Variants in RPS6KC1 observed in about 807,000 individuals in gnomAD.
RPS6KC1 encodes inactive ribosomal protein S6 kinase delta-1.
In RPS6KC1, 54 loss-of-function variants were observed where a neutral mutation model predicts 103.8. The ratio of observed to expected loss-of-function variants is 0.52; its 90% CI spans 0.42 to 0.65. RPS6KC1 has a LOEUF of 0.65. Ranked by LOEUF, RPS6KC1 falls within the 30% of genes least tolerant of loss-of-function variation. The pLI, the probability that RPS6KC1 is intolerant of heterozygous loss-of-function variation, is 0.00. For missense variants in RPS6KC1, 1,151 were observed against 1,253.8 expected (o/e 0.92, Z 1.24); for synonymous variants, 439 against 438.7 (o/e 1.00, Z -0.01).
the RPS6KC1 span, chr1:213,843,492 A>G: frequency 1.3e-5 from 2 of 152,210 alleles, no homozygotes; most frequent in African/African-American, 4.8e-5. Context: ...CCGGACCCCA[A>G]CCTGAAGCAC....
At chr1:213,200,137 T>A (rs2093103056) in intron 8 of RPS6KC1, among the ~76,000 whole-genome samples, 1 of 152,188 alleles carries the variant, frequency 6.6e-6, no homozygotes. Context: ...AAAACTATTT[T>A]AAAATTCATA....
chr1:213,804,173 T>TA, the RPS6KC1 span, among the ~76,000 whole-genome samples: 4,163 of 57,906 alleles, frequency 0.072, 530 homozygotes, highest in African/African-American at 0.26. Flanking sequence ...TGGCTAATCT[T>TA]AAAAAAAAAA....
At position 213,201,154 on chromosome 1, in the gene RPS6KC1, C is replaced by T. The variant is rs2093148098; in HGVS notation, c.1044+24662C>T. On this transcript the variant is annotated intron_variant, in intron 8 of 14. Transcript: ENST00000366960. Reference sequence around the variant, plus strand: ...ACTTATGTTCATACAGTATCCTGCACAAGGATGTTTATAGCCACTTTATTC... The same window carrying T: ...ACTTATGTTCATACAGTATCCTGCATAAGGATGTTTATAGCCACTTTATTC... Among the ~76,000 whole-genome samples, 4 of 152,252 alleles carry T rather than the reference C, an allele frequency of 2.6e-5. No homozygotes were observed. In the South Asian group the frequency reaches 8.3e-4, roughly 32 times the overall value.
At chr1:213,710,263 T>G in the RPS6KC1 span, among the ~76,000 whole-genome samples, 4 of 152,346 alleles carry the variant, frequency 2.6e-5, no homozygotes, top group African/African-American at 7.2e-5. Flanking sequence ...ACTTTACCAT[T>G]ATGTAATGCC....
At chr1:213,753,761 A>G in the RPS6KC1 span, among the ~76,000 whole-genome samples, 2 of 151,946 alleles carry the variant, frequency 1.3e-5, no homozygotes, top group African/African-American at 2.4e-5. Flanking sequence ...CCCGACTTCA[A>G]CTCCCATCTT....
the RPS6KC1 span, among the ~76,000 whole-genome samples, chr1:213,535,809 G>A: frequency 1.3e-5 from 2 of 152,234 alleles, no homozygotes; most frequent in South Asian, 2.1e-4. Flanking sequence ...TTTTAGGCGC[G>A]AGGAGTCCCC....
At chr1:213,343,371 CT>C in the RPS6KC1 span, among the ~76,000 whole-genome samples, 1 of 101,832 alleles carries the variant, frequency 9.8e-6, no homozygotes, top group African/African-American at 4.1e-5. Context: ...GGAGCTTAAA[CT>C]TTTTTTTCAG....
At chr1:213,571,364 G>A in the RPS6KC1 span, among the ~76,000 whole-genome samples, 1 of 152,186 alleles carries the variant, frequency 6.6e-6, no homozygotes, top group Admixed American at 6.5e-5. Flanking sequence ...GGCTATGATA[G>A]GTCTGGAGGC....
chr1:213,803,378 C>G, the RPS6KC1 span, among the ~76,000 whole-genome samples: 1 of 151,608 alleles, frequency 6.6e-6, no homozygotes. Context: ...TCCCAAGTAG[C>G]TGGGATTACA....
chr1:213,667,054 C>T, the RPS6KC1 span, among the ~76,000 whole-genome samples: 14 of 152,150 alleles, frequency 9.2e-5, no homozygotes, highest in South Asian at 2.1e-4. Context: ...GGTGGGCAAA[C>T]GAAACAGGTT....
chr1:213,565,321 C>A, the RPS6KC1 span, among the ~76,000 whole-genome samples: 1 of 152,154 alleles, frequency 6.6e-6, no homozygotes, highest in Non-Finnish European at 1.5e-5. Context: ...CAAGAATGTT[C>A]ACAGCAGCTT....
the RPS6KC1 span, among the ~76,000 whole-genome samples, chr1:213,455,973 C>T: frequency 3.9e-5 from 6 of 152,142 alleles, no homozygotes; most frequent in African/African-American, 9.7e-5. Flanking sequence ...GGGGTAACCT[C>T]TTTTATAATT....
chr1:213,632,267 A>G, the RPS6KC1 span, among the ~76,000 whole-genome samples: 1 of 152,168 alleles, frequency 6.6e-6, no homozygotes, highest in Non-Finnish European at 1.5e-5. Flanking sequence ...CCTAGAGAAA[A>G]TACCAAGGGG....
downstream of RPS6KC1, among the ~76,000 whole-genome samples, chr1:213,279,556 A>G (rs2095118744): frequency 6.6e-6 from 1 of 152,102 alleles, no homozygotes; most frequent in South Asian, 2.1e-4. Flanking sequence ...ACTTTTTCCC[A>G]CATTTTGCTT....
chr1:213,272,578 G>T lies in RPS6KC1; in HGVS notation c.3145G>T (p.Asp1049Tyr). 1 of 1,614,044 alleles carries T rather than the reference G, an allele frequency of 6.2e-7. No individual in the cohort carries two copies. The highest frequency in any genetic ancestry group is 8.5e-7 in the Non-Finnish European group (1 of 1,179,930). Residue 1049 changes from aspartate (D) to tyrosine (Y), a missense_variant, in exon 15 of 15, where the codon GAT (aspartate) becomes TAT (tyrosine). Transcript: ENST00000366960. ...TGGTGCTGGAGTTGCTGGTGTTGAA[G>T]ATATCAAATCTCATCCATTTTTTAC... ...RLGAGVAGVE[D>Y]IKSHPFFTPV...
the RPS6KC1 span, among the ~76,000 whole-genome samples, chr1:213,610,399 C>A: frequency 6.6e-6 from 1 of 152,138 alleles, no homozygotes; most frequent in Non-Finnish European, 1.5e-5. Flanking sequence ...TGCCTGAGAG[C>A]ACTGAGACGT....
the RPS6KC1 span, among the ~76,000 whole-genome samples, chr1:213,521,082 G>GTTT: frequency 1.3e-3 from 196 of 152,106 alleles, 1 homozygote; most frequent in African/African-American, 4.6e-3. Flanking sequence ...CTACAATTTA[G>GTTT]TTTTTTTAAC....
At chr1:213,388,225 G>A in the RPS6KC1 span, among the ~76,000 whole-genome samples, 6 of 152,358 alleles carry the variant, frequency 3.9e-5, no homozygotes, top group East Asian at 9.6e-4. Context: ...CACTAAAGGA[G>A]CAAGGACAGA....
At chr1:213,130,056 G>A (rs2085430743) in intron 6 of RPS6KC1, among the ~76,000 whole-genome samples, 167 bp downstream of exon 6, 1 of 152,082 alleles carries the variant, frequency 6.6e-6, no homozygotes. Flanking sequence ...AGTTCCTTGA[G>A]ATGTTAGACA....
Sources: gnomAD v4.1 joint callset for allele counts (sites outside exome capture counted in the v4.1 genomes callset) on GRCh38, gnomAD v4.1.1 for gene constraint, MANE v1.5 for transcripts, NCBI Gene and HGNC (gene_info 2026-07-23, HGNC 2026-07-21) for gene names.